The following SLC6A6 variants were observed in gnomAD, a reference collection of about 807,000 sequenced individuals.
SLC6A6 encodes the protein solute carrier family 6 member 6.
A neutral mutation model predicts 68.8 loss-of-function variants in SLC6A6; 16 were observed. The ratio of observed to expected loss-of-function variants is 0.23; its 90% CI spans 0.16 to 0.35. The LOEUF (loss-of-function observed/expected upper bound fraction) is 0.35, where lower values mean the gene tolerates loss of function less well. SLC6A6 is among the 10% of genes least tolerant of loss of function. The pLI is 1.00. For missense variants in SLC6A6, 474 were observed against 802.8 expected (o/e 0.59, Z 4.95); for synonymous variants, 312 against 315.4 (o/e 0.99, Z 0.12).
At chr3:14,424,954 TA>T (rs1411803488) in intron 2 of SLC6A6, among the ~76,000 whole-genome samples, 1 of 152,178 alleles carries the variant, frequency 6.6e-6, no homozygotes. Flanking sequence ...GTTCAGCTGG[TA>T]TTTTCCCAGT....
At chr3:14,403,954 C>T (rs1165212715) in intron 1 of SLC6A6, among the ~76,000 whole-genome samples, 1 of 152,206 alleles carries the variant, frequency 6.6e-6, no homozygotes, top group Non-Finnish European at 1.5e-5. Flanking sequence ...CTGCCAGATC[C>T]CGGCATCCCC....
At chr3:14,484,335 C>A (rs975374446) in intron 14 of SLC6A6, among the ~76,000 whole-genome samples, 1 of 152,176 alleles carries the variant, frequency 6.6e-6, no homozygotes, top group Non-Finnish European at 1.5e-5. Context: ...GCTGGGAGGA[C>A]TGGATGCCTT....
At chr3:14,479,778 C>T (rs895806231) in intron 13 of SLC6A6, among the ~76,000 whole-genome samples, 1 of 152,204 alleles carries the variant, frequency 6.6e-6, no homozygotes, top group Non-Finnish European at 1.5e-5. Flanking sequence ...TTGGAGTTGG[C>T]CTTGGCACCT....
At position 14,402,646 on chromosome 3, in the gene SLC6A6, A is replaced by G; in HGVS notation, c.-255A>G. 1 of 398,080 alleles carries G rather than the reference A, an allele frequency of 2.5e-6. No individual in the cohort carries two copies. Among genetic ancestry groups the G allele is most frequent in the African/African-American group, 2.1e-5 (1 of 48,676 alleles). The allele number at this position is 398,080 out of a possible 1,614,324, so 24.7% of individuals were successfully genotyped here. On this transcript the variant is annotated 5_prime_UTR_variant, in exon 1 of 15. Transcript: ENST00000622186. The surrounding 1 kb of genome is among the most constrained non-coding windows in gnomAD (Gnocchi z 4.8). ...AGACAACAGACACGCGAGGTCAGGA[A>G]GAAGCCGCTTATAAATTACCGCTTC...
At chr3:14,483,249 C>T (rs1701051426) in intron 14 of SLC6A6, among the ~76,000 whole-genome samples, 1 of 152,332 alleles carries the variant, frequency 6.6e-6, no homozygotes, top group East Asian at 1.9e-4. Context: ...GTACCCCGTC[C>T]TCCTGTGCCA....
At chr3:14,459,839 G>T (rs942587023) in intron 6 of SLC6A6, among the ~76,000 whole-genome samples, 1 of 151,694 alleles carries the variant, frequency 6.6e-6, no homozygotes, top group African/African-American at 2.4e-5. Context: ...TAAACACCTG[G>T]CACAATGCTT....
rs1699008550 is a variant in SLC6A6, at chr3:14,402,625, A to G, written c.-276A>G. The G allele has an allele frequency of 1.3e-5, 5 of 397,646 alleles. No individual in the cohort carries two copies. In the East Asian group the frequency reaches 1.8e-4, roughly 14 times the overall value. 24.6% of individuals were successfully genotyped at this position (397,646 alleles called of 1,614,324 possible). On this transcript the variant is annotated 5_prime_UTR_variant, in exon 1 of 15. Transcript: ENST00000622186. This position sits in a 1 kb window ranked among gnomAD's most constrained non-coding sequence, Gnocchi z 4.8. The stretch of plus-strand genomic sequence containing the variant: ...GATGCTGAGAGCTGCCTGCTCAGAC[A>G]ACAGACACGCGAGGTCAGGAAGAAG...
At chr3:14,443,985 T>G in intron 3 of SLC6A6, 122 bp downstream of exon 3, 1 of 673,584 alleles carries the variant, frequency 1.5e-6, no homozygotes, top group Non-Finnish European at 2.6e-6. Flanking sequence ...CCCCTTGACC[T>G]CCATGAGGTC....
chr3:14,438,662 A>G (rs1356740248), intron 2 of SLC6A6, among the ~76,000 whole-genome samples: 1 of 152,180 alleles, frequency 6.6e-6, no homozygotes, highest in Non-Finnish European at 1.5e-5. Flanking sequence ...TTTGCTGAGA[A>G]ACCTGGCCCA....
intron 5 of SLC6A6, among the ~76,000 whole-genome samples, chr3:14,449,783 C>T (rs1457962684): frequency 3.9e-5 from 6 of 152,076 alleles, no homozygotes; most frequent in Admixed American, 2.0e-4. Flanking sequence ...GACAGAGTCT[C>T]ACTCTGTTGC....
At chr3:14,414,245 G>A (rs566038645) in intron 1 of SLC6A6, among the ~76,000 whole-genome samples, 15 of 152,278 alleles carry the variant, frequency 9.9e-5, no homozygotes, top group South Asian at 4.1e-4. Context: ...CCAAGAAAGA[G>A]CCTTGTTTTT....
intron 2 of SLC6A6, among the ~76,000 whole-genome samples, chr3:14,425,519 G>A (rs542062857): frequency 3.9e-5 from 6 of 152,266 alleles, no homozygotes; most frequent in African/African-American, 9.6e-5. Context: ...TAAAAAGGAC[G>A]GATTTCTTGG....
intron 6 of SLC6A6, among the ~76,000 whole-genome samples, chr3:14,464,241 G>A (rs1700563291): frequency 1.3e-5 from 2 of 152,206 alleles, no homozygotes. Flanking sequence ...CTCTGGTCTT[G>A]GGGAGAATCA....
intron 3 of SLC6A6, among the ~76,000 whole-genome samples, chr3:14,445,436 A>C (rs1404716503): frequency 8.4e-6 from 1 of 119,306 alleles, no homozygotes; most frequent in Non-Finnish European, 1.7e-5. Context: ...AAAAAAAAAA[A>C]AGAAAAAAAG....
rs1701255357 is a variant in SLC6A6, at chr3:14,488,970, C to T, written c.*3963C>T. 2 of 152,458 alleles carry T rather than the reference C, an allele frequency of 1.3e-5. No homozygotes were observed. The highest frequency in any genetic ancestry group is 4.2e-4 in the South Asian group (2 of 4,816). 9.4% of individuals were successfully genotyped at this position (152,458 alleles called of 1,614,324 possible). ...CTAGCAACTGTGACTCTGTATTTAG[C>T]ACAAGAGAAAGCTGAGAATGTGGGT... On this transcript the variant is annotated 3_prime_UTR_variant, in exon 15 of 15. Transcript: ENST00000622186.
intron 6 of SLC6A6, among the ~76,000 whole-genome samples, chr3:14,461,968 G>A (rs1288761711): frequency 6.6e-6 from 1 of 152,372 alleles, no homozygotes; most frequent in East Asian, 1.9e-4. Context: ...ACTGCCCAGA[G>A]GGGATGGAGA....
At position 14,408,565 on chromosome 3, in the gene SLC6A6, C is replaced by A. The variant is rs186375400; in HGVS notation, c.-54+5718C>A. ...GGCCAGGCTGGTCTCTAACTCCTGA[C>A]CTCAAGTGATCCGCCTGCCTTGGCC... On this transcript the variant is annotated intron_variant, in intron 1 of 14. Transcript: ENST00000622186. Among the ~76,000 whole-genome samples, 712 of 152,240 alleles carry A rather than the reference C, an allele frequency of 4.7e-3. 3 individuals carry two copies. Among genetic ancestry groups the A allele is most frequent in the African/African-American group, 0.016 (674 of 41,550 alleles).
intron 6 of SLC6A6, among the ~76,000 whole-genome samples, chr3:14,459,703 C>A (rs984198716): frequency 6.6e-6 from 1 of 152,098 alleles, no homozygotes; most frequent in African/African-American, 2.4e-5. Flanking sequence ...TTATTCCTTT[C>A]TTTAAACAAT....
chr3:14,462,602 G>A (rs1022110540), intron 6 of SLC6A6, among the ~76,000 whole-genome samples: 1 of 152,164 alleles, frequency 6.6e-6, no homozygotes, highest in African/African-American at 2.4e-5. Context: ...AGGAGGCTGA[G>A]GTAGGAGGAT....
Sources: gnomAD v4.1 joint callset for allele counts (sites outside exome capture counted in the v4.1 genomes callset) on GRCh38, gnomAD v4.1.1 for gene constraint, Gnocchi (gnomAD v3.1) non-coding constraint, MANE v1.5 for transcripts, NCBI Gene and HGNC (gene_info 2026-07-23, HGNC 2026-07-21) for gene names.